Variants in SEC14L5 observed in about 807,000 individuals in gnomAD.
SEC14L5 encodes the protein SEC14-like protein 5.
SEC14L5 carries 96 observed loss-of-function variants against 84.6 expected under a neutral mutation model. The ratio of observed to expected loss-of-function variants is 1.13; its 90% CI spans 0.96 to 1.34. The LOEUF (loss-of-function observed/expected upper bound fraction) is 1.34. Among genes scored for constraint, SEC14L5 ranks in the 40% most tolerant of loss-of-function variants. The pLI is 0.00. For missense variants in SEC14L5, 1,224 were observed against 942.5 expected, an observed-to-expected ratio of 1.30 and a Z score of -3.91; for synonymous variants, 546 against 383.4, an observed-to-expected ratio of 1.42 and a Z score of -4.95.
At chr16:5,010,976 G>T in intron 14 of SEC14L5, 119 bp from the exon 15 acceptor site, 1 of 945,320 alleles carries the variant, frequency 1.1e-6, no homozygotes, top group South Asian at 1.6e-5. Context: ...TGGAGAAAGG[G>T]ACAGAGGGAG....
At chr16:4,986,359 T>C (rs2972259) in intron 2 of SEC14L5, among the ~76,000 whole-genome samples, 152,243 of 152,248 alleles carry the variant, frequency 1, 76,119 homozygotes, top group Middle Eastern at 1. Context: ...AGGCTGGTCT[T>C]GAACTCCTGA....
intron 1 of SEC14L5, 63 bp from the exon 2 acceptor site, chr16:4,959,210 G>C (rs1014295817): frequency 1.3e-6 from 1 of 779,540 alleles, no homozygotes; most frequent in Non-Finnish European, 2.3e-6. Context: ...CTTACACTTG[G>C]TGGGTGGTGT....
At chr16:4,969,453 C>T (rs778264445) in intron 2 of SEC14L5, among the ~76,000 whole-genome samples, 3 of 151,698 alleles carry the variant, frequency 2.0e-5, no homozygotes, top group Admixed American at 6.6e-5. Context: ...GGTGCCATCT[C>T]GCGCATGGCA....
chr16:4,981,403 C>A (rs1026493871), intron 2 of SEC14L5, among the ~76,000 whole-genome samples: 1 of 151,794 alleles, frequency 6.6e-6, no homozygotes, highest in African/African-American at 2.4e-5. Context: ...TGAGCCACCG[C>A]GCCTGGTCTC....
chr16:4,988,025 G>C, intron 3 of SEC14L5, 124 bp from the exon 4 acceptor site: 1 of 1,050,710 alleles, frequency 9.5e-7, no homozygotes, highest in Non-Finnish European at 1.4e-6. Context: ...TGGGTGGGCG[G>C]TGGCGCAAGG....
At chr16:4,994,682 A>ATTTTT (rs57838129) in intron 6 of SEC14L5, among the ~76,000 whole-genome samples, 3 of 144,382 alleles carry the variant, frequency 2.1e-5, no homozygotes, top group Non-Finnish European at 3.0e-5. Context: ...GTATGTGCAC[A>ATTTTT]TTTTTTTTTT....
chr16:4,967,926 TTTCC>T (rs1212851235), intron 2 of SEC14L5, among the ~76,000 whole-genome samples: 1 of 147,778 alleles, frequency 6.8e-6, no homozygotes, highest in Non-Finnish European at 1.5e-5. Context: ...CCTTTCCTTC[TTTCC>T]TTCCTTCACC....
intron 11 of SEC14L5, among the ~76,000 whole-genome samples, chr16:5,004,525 T>G (rs1955710533): frequency 6.6e-6 from 1 of 151,856 alleles, no homozygotes; most frequent in Non-Finnish European, 1.5e-5. Flanking sequence ...GCAGTAAGCC[T>G]GGCCACCCCC....
intron 6 of SEC14L5, among the ~76,000 whole-genome samples, chr16:4,994,525 G>A (rs1024260921): frequency 6.6e-6 from 1 of 152,008 alleles, no homozygotes; most frequent in Admixed American, 6.6e-5. Context: ...TGTATTTTTA[G>A]TAGAGACAGG....
intron 8 of SEC14L5, among the ~76,000 whole-genome samples, chr16:4,999,960 A>G (rs1257215180): frequency 1.3e-5 from 2 of 151,922 alleles, no homozygotes; most frequent in African/African-American, 4.8e-5. Flanking sequence ...GACAAAAAAC[A>G]CCACATAAAA....
At chr16:4,971,408 G>A (rs950273913) in intron 2 of SEC14L5, among the ~76,000 whole-genome samples, 5 of 152,114 alleles carry the variant, frequency 3.3e-5, no homozygotes, top group African/African-American at 9.7e-5. Flanking sequence ...GCAGTGAGCC[G>A]TGATCTTGCC....
At position 4,991,839 on chromosome 16, in the gene SEC14L5, G is replaced by C; in HGVS notation, c.476G>C (p.Gly159Ala). The stretch of plus-strand genomic sequence containing the variant: ...GTCTTGGGTCTCTCTGGCTTCCAGG[G>C]GAAGGAGGTGATTGAGCATTACCTG... ...MKQYTANVKR[G>A]KEVIEHYLNE... Residue 159 changes from glycine to alanine, a missense_variant and splice_region_variant, in exon 6 of 16, where the codon GGG (glycine) becomes GCG (alanine). Physicochemically the swap from Gly to Ala is moderately conservative, Grantham distance 60. Transcript: ENST00000251170. The C allele has an allele frequency of 6.2e-7, 1 of 1,600,138 alleles. No individual in the cohort carries two copies. The highest frequency in any genetic ancestry group is 1.1e-5 in the South Asian group (1 of 88,854).
intron 2 of SEC14L5, among the ~76,000 whole-genome samples, chr16:4,963,384 C>T (rs144483534): frequency 1.7e-3 from 263 of 152,230 alleles, no homozygotes; most frequent in African/African-American, 6.0e-3. Context: ...CTCGCTTTGT[C>T]ATCTAGGTTG....
chr16:5,010,407 G>A (rs1423495562), intron 14 of SEC14L5, among the ~76,000 whole-genome samples: 4 of 151,928 alleles, frequency 2.6e-5, no homozygotes, highest in Non-Finnish European at 5.9e-5. Context: ...GAACTTGAAC[G>A]TGTAACTGGA....
At chr16:4,990,044 A>C (rs1465732698) in intron 4 of SEC14L5, among the ~76,000 whole-genome samples, 1 of 151,804 alleles carries the variant, frequency 6.6e-6, no homozygotes, top group Non-Finnish European at 1.5e-5. Context: ...ATATATCTTT[A>C]TATAGATAAC....
intron 2 of SEC14L5, among the ~76,000 whole-genome samples, chr16:4,964,432 C>G (rs957359324): frequency 6.6e-6 from 1 of 152,014 alleles, no homozygotes; most frequent in African/African-American, 2.4e-5. Flanking sequence ...CCTAAAAATA[C>G]AAAATTACCT....
chr16:4,969,616 T>G (rs565669861), intron 2 of SEC14L5, among the ~76,000 whole-genome samples: 6 of 152,262 alleles, frequency 3.9e-5, no homozygotes, highest in Admixed American at 3.9e-4. Flanking sequence ...ACTCCTGACC[T>G]CAGGTGATCC....
In SEC14L5 at chr16:4,996,373, T is replaced by G. The variant is rs758072288; in HGVS notation, c.693T>G (p.Ile231Met). 6.4e-7 allele frequency: 1 copy of G among 1,563,220 alleles called. No individual in the cohort carries two copies. Among genetic ancestry groups the G allele is most frequent in the Non-Finnish European group, 8.7e-7 (1 of 1,154,358 alleles). ...GGGACAAGCTGGATGCGGACTACAT[T>G]GAGAGGTGCCTGGGCCACCTCACGC... ...MDGDKLDADY[I>M]ERCLGHLTPM... Residue 231 changes from isoleucine (I) to methionine (M), a missense_variant, in exon 7 of 16, where the codon ATT becomes ATG. Ile to Met is a conservative substitution (Grantham distance 10). Transcript: ENST00000251170.
At chr16:4,980,843 C>G (rs573180948) in intron 2 of SEC14L5, among the ~76,000 whole-genome samples, 1 of 152,264 alleles carries the variant, frequency 6.6e-6, no homozygotes, top group Non-Finnish European at 1.5e-5. Flanking sequence ...CAAATCCAGG[C>G]CTCCTACCCC....
Sources: gnomAD v4.1 joint callset for allele counts (sites outside exome capture counted in the v4.1 genomes callset) on GRCh38, gnomAD v4.1.1 for gene constraint, MANE v1.5 for transcripts, NCBI Gene and HGNC (gene_info 2026-07-23, HGNC 2026-07-21) for gene names.